PLCB4: variants seen among roughly 807,000 people sequenced by gnomAD.
PLCB4 encodes the protein 1-phosphatidylinositol 4,5-bisphosphate phosphodiesterase beta-4.
A neutral mutation model predicts 178.8 loss-of-function variants in PLCB4; 77 were observed. The observed-to-expected ratio is 0.43, with a 90% CI of 0.36 to 0.52. PLCB4 has a LOEUF of 0.52. Among genes scored for constraint, PLCB4 ranks in the 20% least tolerant of loss-of-function variants. The pLI is 0.00. For missense variants in PLCB4, 1,024 were observed against 1,453.4 expected (o/e 0.70, Z 4.80); for synonymous variants, 496 against 490.8 (o/e 1.01, Z -0.14).
rs1000423970 is a variant in PLCB4 at position 9,259,345 on chromosome 20, C to T, written c.-16+41893C>T. Among the ~76,000 whole-genome samples, 10 of 151,898 alleles carry T rather than the reference C, an allele frequency of 6.6e-5. 1 individual carries two copies. The highest frequency in any genetic ancestry group is 2.4e-5 in the African/African-American group (1 of 41,392). On this transcript the variant is annotated intron_variant, in intron 3 of 39. Transcript: ENST00000378473. Reference sequence around the variant, plus strand: ...AATGTTATTCATCCAATTTTAAAAACGTGTAAAAAATAGATAGTACAGAAC... The same window carrying T: ...AATGTTATTCATCCAATTTTAAAAATGTGTAAAAAATAGATAGTACAGAAC...
intron 27 of PLCB4, among the ~76,000 whole-genome samples, chr20:9,423,380 A>G (rs968845708): frequency 6.6e-6 from 1 of 152,210 alleles, no homozygotes; most frequent in African/African-American, 2.4e-5. Context: ...ACAGGATTAG[A>G]TCCCCAATTC....
intron 2 of PLCB4, among the ~76,000 whole-genome samples, chr20:9,129,375 G>C (rs1415262154): frequency 6.6e-6 from 1 of 152,076 alleles, no homozygotes; most frequent in African/African-American, 2.4e-5. Context: ...ACATTTCCCC[G>C]AGTTCCCCAG....
chr20:9,100,763 C>T (rs1222405253), intron 2 of PLCB4, among the ~76,000 whole-genome samples: 1 of 152,048 alleles, frequency 6.6e-6, no homozygotes, highest in Non-Finnish European at 1.5e-5. Context: ...ATTGCTTTTC[C>T]AGAACAGATA....
chr20:9,183,248 C>A (rs915188889), intron 2 of PLCB4, among the ~76,000 whole-genome samples: 4 of 152,110 alleles, frequency 2.6e-5, no homozygotes, highest in African/African-American at 9.7e-5. Context: ...GTACCCCAAG[C>A]ATAATGGGGT....
intron 2 of PLCB4, among the ~76,000 whole-genome samples, chr20:9,171,507 G>T (rs987639562): frequency 6.6e-6 from 1 of 152,142 alleles, no homozygotes; most frequent in Non-Finnish European, 1.5e-5. Flanking sequence ...ACAAGAATCT[G>T]TATGTGCATA....
chr20:9,274,800 C>T (rs2094437196), intron 3 of PLCB4, among the ~76,000 whole-genome samples: 2 of 152,006 alleles, frequency 1.3e-5, no homozygotes, highest in South Asian at 4.1e-4. Context: ...GACAGTCTTG[C>T]TTTTTCTGTA....
At chr20:9,411,721 TAA>T (rs11468073) in intron 25 of PLCB4, among the ~76,000 whole-genome samples, 15,143 of 143,366 alleles carry the variant, frequency 0.11, 994 homozygotes, top group East Asian at 0.26. Context: ...TCTCTTGAGA[TAA>T]AAAAAAAAAA....
intron 2 of PLCB4, among the ~76,000 whole-genome samples, chr20:9,147,651 C>A (rs2092622115): frequency 6.6e-6 from 1 of 152,052 alleles, no homozygotes; most frequent in African/African-American, 2.4e-5. Flanking sequence ...AAATATGTGT[C>A]TCATCCTAAG....
At chr20:9,350,247 G>T (rs943946962) in intron 7 of PLCB4, among the ~76,000 whole-genome samples, 1 of 152,078 alleles carries the variant, frequency 6.6e-6, no homozygotes, top group Non-Finnish European at 1.5e-5. Context: ...GAAAAGATTT[G>T]CTGGTCTCTA....
At position 9,275,759 on chromosome 20, in the gene PLCB4, G is replaced by A. The variant is rs189481670; in HGVS notation, c.-15-32041G>A. On this transcript the variant is annotated intron_variant, in intron 3 of 39. Transcript: ENST00000378473. ...CTGTTGATAGCTGCTTGTTTTTGGA[G>A]TGCTTATTTTGTCCAAGTGACGTGC... is the stretch of plus-strand genomic sequence containing the variant. Among the ~76,000 whole-genome samples, 19 of 152,170 alleles carry A rather than the reference G, an allele frequency of 1.2e-4. No homozygotes were observed. In the East Asian group the frequency reaches 3.7e-3, roughly 30 times the overall value.
chr20:9,221,691 C>A (rs1027447063), intron 3 of PLCB4, among the ~76,000 whole-genome samples: 1 of 152,102 alleles, frequency 6.6e-6, no homozygotes, highest in Admixed American at 6.5e-5. Context: ...TTGGGAGACA[C>A]CTAGGTAATT....
In PLCB4 at chr20:9,453,384, T is replaced by C. The variant is rs371521968; in HGVS notation, c.2918T>C (p.Val973Ala). ...ATGCAGAAGTTACACTGCACGCAAG[T>C]TGACAAAATTGTGGCACAGTATGAC... ...STMQKLHCTQ[V>A]DKIVAQYDKE... The change falls in exon 33 of 40, where the codon GTT becomes GCT. Residue 973 changes from valine to alanine, a missense_variant. Val to Ala is a moderately conservative substitution (Grantham distance 64). Coordinates refer to ENST00000378473, the MANE Select transcript of PLCB4 (RefSeq NM_001377142.1). 2 of 1,613,148 alleles carry C rather than the reference T, an allele frequency of 1.2e-6. No individual in the cohort carries two copies. Among genetic ancestry groups the C allele is most frequent in the Non-Finnish European group, 1.7e-6 (2 of 1,179,432 alleles).
At chr20:9,360,344 T>A (rs1349046911) in intron 7 of PLCB4, among the ~76,000 whole-genome samples, 1 of 152,184 alleles carries the variant, frequency 6.6e-6, no homozygotes, top group Non-Finnish European at 1.5e-5. Flanking sequence ...CTTGCCAGCG[T>A]TGTATGTTCA....
chr20:9,377,010 G>A (rs771480870), intron 12 of PLCB4, among the ~76,000 whole-genome samples: 2 of 152,130 alleles, frequency 1.3e-5, no homozygotes, highest in African/African-American at 4.8e-5. Flanking sequence ...AAATGCACAG[G>A]CAAAGAGAGA....
intron 21 of PLCB4, among the ~76,000 whole-genome samples, chr20:9,407,217 G>T (rs1169794358): frequency 2.6e-5 from 4 of 152,106 alleles, no homozygotes; most frequent in Non-Finnish European, 5.9e-5. Flanking sequence ...TGAGTGTGGG[G>T]CCCAGGAATC....
At chr20:9,231,835 A>G (rs925840193) in intron 3 of PLCB4, among the ~76,000 whole-genome samples, 1 of 152,160 alleles carries the variant, frequency 6.6e-6, no homozygotes, top group Non-Finnish European at 1.5e-5. Context: ...TTACATCCAC[A>G]CAAAGACTCG....
Position 9,472,780 on chromosome 20 carries a change from T to C in PLCB4, c.3351-10T>C, listed in dbSNP as rs747540351. 2 of 1,573,502 alleles carry C rather than the reference T, an allele frequency of 1.3e-6. No homozygotes were observed. The highest frequency in any genetic ancestry group is 1.2e-5 in the South Asian group (1 of 86,696). Reference sequence around the variant, plus strand: ...TCATACCAACCGTTATTTGTGCCCATTGCTTTTAGGCGAGTCAGGGAGTTA... The same window carrying C: ...TCATACCAACCGTTATTTGTGCCCACTGCTTTTAGGCGAGTCAGGGAGTTA... On this transcript the variant is annotated splice_polypyrimidine_tract_variant and intron_variant, in intron 36 of 39. Coordinates refer to ENST00000378473, the MANE Select transcript of PLCB4 (RefSeq NM_001377142.1).
chr20:9,339,376 AC>A (rs1364781483), intron 7 of PLCB4, among the ~76,000 whole-genome samples: 1 of 152,068 alleles, frequency 6.6e-6, no homozygotes, highest in Non-Finnish European at 1.5e-5. Flanking sequence ...TCCTTTTCTA[AC>A]AAGCTCCCAG....
intron 32 of PLCB4, among the ~76,000 whole-genome samples, chr20:9,450,690 T>C (rs1642781603): frequency 6.9e-6 from 1 of 144,426 alleles, no homozygotes; most frequent in South Asian, 2.3e-4. Flanking sequence ...AGATGGAGTC[T>C]TGCTCTGTCA....
Sources: allele counts gnomAD v4.1 joint callset (sites outside exome capture counted in the v4.1 genomes callset), GRCh38; gene constraint gnomAD v4.1.1; transcripts MANE v1.5; gene names NCBI Gene and HGNC (gene_info 2026-07-23, HGNC 2026-07-21).